Variants in COL4A5 observed in about 807,000 individuals in gnomAD.
COL4A5 encodes the protein collagen alpha-5(IV) chain.
COL4A5 carries 26 observed loss-of-function variants against 130.2 expected under a neutral mutation model. The observed-to-expected ratio is 0.20, with a 90% CI of 0.15 to 0.28. The LOEUF is 0.28. Among genes scored for constraint, COL4A5 ranks in the 10% least tolerant of loss-of-function variants. The probability of loss-of-function intolerance (pLI) is 1.00; values close to 1 mark genes in which losing one functional copy is unlikely to be tolerated. For missense variants in COL4A5, 1,131 were observed against 1,344.3 expected, an observed-to-expected ratio of 0.84 and a Z score of 2.48; for synonymous variants, 496 against 439.6, an observed-to-expected ratio of 1.13 and a Z score of -1.60.
chrX:108,543,274 A>G (rs1021790574), intron 2 of COL4A5, among the ~76,000 whole-genome samples: 1 of 111,541 alleles, frequency 9.0e-6, no homozygotes, highest in Non-Finnish European at 1.9e-5. Flanking sequence ...TGCCTTGAAT[A>G]AATTTTTGTA....
chrX:108,635,068 A>T (rs950659781), intron 36 of COL4A5, among the ~76,000 whole-genome samples: 14 of 111,449 alleles, frequency 1.3e-4, no homozygotes, highest in African/African-American at 4.6e-4. Context: ...ATGAAACAGC[A>T]GCTCTGTTAG....
intron 37 of COL4A5, among the ~76,000 whole-genome samples, chrX:108,659,523 A>G (rs935621830): frequency 3.6e-5 from 4 of 109,884 alleles, no homozygotes; most frequent in Non-Finnish European, 5.7e-5. Flanking sequence ...AGAGTTTTCT[A>G]TTTCTCCTTT....
chrX:108,595,463 A>G, intron 21 of COL4A5, 46 bp from the exon 22 acceptor site: 1 of 1,104,196 alleles, frequency 9.1e-7, no homozygotes, highest in Non-Finnish European at 1.3e-6. Flanking sequence ...TAGAAGGTAT[A>G]TGTACCCCTT....
chrX:108,623,969 C>T (rs1227649481), intron 33 of COL4A5, among the ~76,000 whole-genome samples: 2 of 111,411 alleles, frequency 1.8e-5, no homozygotes, highest in East Asian at 5.6e-4. Context: ...GTCCTTATTC[C>T]TTATTTCTTC....
intron 30 of COL4A5, among the ~76,000 whole-genome samples, chrX:108,616,456 G>A (rs894953434): frequency 9.0e-6 from 1 of 110,616 alleles, no homozygotes; most frequent in African/African-American, 3.3e-5. Flanking sequence ...GGCTGGTCTC[G>A]AACTCCTGAC....
intron 33 of COL4A5, among the ~76,000 whole-genome samples, chrX:108,623,681 G>A (rs1295523524): frequency 9.0e-6 from 1 of 111,717 alleles, no homozygotes; most frequent in Non-Finnish European, 1.9e-5. Flanking sequence ...ATGTGTATGT[G>A]AGTGTACACA....
intron 49 of COL4A5, among the ~76,000 whole-genome samples, chrX:108,690,501 C>A (rs1377904448): frequency 9.0e-6 from 1 of 111,656 alleles, no homozygotes; most frequent in East Asian, 2.8e-4. Context: ...TAAGCATACC[C>A]CTTTGAATAT....
chrX:108,622,019 T>C (rs756333935), intron 32 of COL4A5, 127 bp downstream of exon 32: 35 of 539,503 alleles, frequency 6.5e-5, no homozygotes, highest in African/African-American at 6.1e-4. Flanking sequence ...CTATGTAACA[T>C]GGCATTTAAA....
chrX:108,607,099 G>A (rs1011363070), intron 29 of COL4A5, among the ~76,000 whole-genome samples: 1 of 110,485 alleles, frequency 9.1e-6, no homozygotes, highest in African/African-American at 3.3e-5. Flanking sequence ...CGGCACGGTG[G>A]CTCACTCCTG....
Position 108,655,472 on chromosome X carries a change from C to T in COL4A5, c.3373+15C>T. 8.3e-7 allele frequency: 1 copy of T among 1,209,944 alleles called. No individual in the cohort carries two copies. Among genetic ancestry groups the T allele is most frequent in the Non-Finnish European group, 1.1e-6 (1 of 894,412 alleles). Reference sequence around the variant, plus strand: ...TGGATTCCCAGGTAAAATTTCTTCTCTTAAATGCTTCCTTCTTTCCTTCCT... The same window carrying T: ...TGGATTCCCAGGTAAAATTTCTTCTTTTAAATGCTTCCTTCTTTCCTTCCT... On this transcript the variant is annotated intron_variant, in intron 37 of 52. Transcript: ENST00000328300.
chrX:108,619,941 G>T (rs1260911594), intron 30 of COL4A5, among the ~76,000 whole-genome samples: 1 of 111,948 alleles, frequency 8.9e-6, no homozygotes, highest in East Asian at 2.8e-4. Context: ...CTTTTATTTT[G>T]CATCTTTGGC....
intron 1 of COL4A5, among the ~76,000 whole-genome samples, chrX:108,519,079 A>T (rs1391432941): frequency 9.0e-6 from 1 of 111,300 alleles, no homozygotes; most frequent in African/African-American, 3.3e-5. Context: ...AACTCCACTA[A>T]CATTCTTTTA....
intron 1 of COL4A5, among the ~76,000 whole-genome samples, chrX:108,518,734 C>A (rs1296594530): frequency 9.0e-6 from 1 of 111,548 alleles, no homozygotes; most frequent in African/African-American, 3.2e-5. Flanking sequence ...TTGTAGTCAT[C>A]ATATTTTAAT....
At chrX:108,664,779 T>C (rs1440412409) in intron 37 of COL4A5, among the ~76,000 whole-genome samples, 2 of 112,007 alleles carry the variant, frequency 1.8e-5, no homozygotes, top group Non-Finnish European at 3.8e-5. Flanking sequence ...CGAAAGAAGA[T>C]ATACAAGTGG....
At position 108,680,705 on chromosome X, in the gene COL4A5, T is replaced by C; in HGVS notation, c.3969T>C (p.Asn1323=). Residue 1323 remains asparagine (N), a synonymous_variant, in exon 45 of 53, where the codon AAT becomes AAC. Transcript: ENST00000328300. The stretch of plus-strand genomic sequence containing the variant: ...GTAATCCTGGCCGGCCGGGTCTCAA[T>C]GGAATGAAAGGAGATCCTGGTCTCC... The part of the protein sequence containing the change: ...LQGNPGRPGL[N]GMKGDPGLPG... 8.3e-7 allele frequency: 1 copy of C among 1,210,678 alleles called. No individual in the cohort carries two copies. Among genetic ancestry groups the C allele is most frequent in the Non-Finnish European group, 1.1e-6 (1 of 894,741 alleles).
intron 2 of COL4A5, among the ~76,000 whole-genome samples, chrX:108,553,014 A>G (rs1178697983): frequency 1.8e-5 from 2 of 111,997 alleles, no homozygotes; most frequent in Non-Finnish European, 3.8e-5. Flanking sequence ...AAGTCTTTTC[A>G]ATAAATAGTC....
chrX:108,630,601 G>A (rs1225406906), intron 36 of COL4A5, among the ~76,000 whole-genome samples: 5 of 111,444 alleles, frequency 4.5e-5, no homozygotes, highest in South Asian at 3.8e-4. Context: ...CCCATTCTGT[G>A]GGTTGCCTGT....
chrX:108,515,494 C>G (rs748109601), intron 1 of COL4A5, among the ~76,000 whole-genome samples: 4 of 111,728 alleles, frequency 3.6e-5, no homozygotes, highest in Non-Finnish European at 7.5e-5. Context: ...GCACCTCCAT[C>G]TTCCAGACCT....
At chrX:108,444,527 C>A (rs1403485298) in intron 1 of COL4A5, among the ~76,000 whole-genome samples, 4 of 111,731 alleles carry the variant, frequency 3.6e-5, no homozygotes, top group Admixed American at 2.9e-4. Flanking sequence ...CCTCCAGACT[C>A]ATTTTTTAAT....
Sources: gnomAD v4.1 joint callset for allele counts (sites outside exome capture counted in the v4.1 genomes callset) on GRCh38, gnomAD v4.1.1 for gene constraint, MANE v1.5 for transcripts, NCBI Gene and HGNC (gene_info 2026-07-23, HGNC 2026-07-21) for gene names.